The following UBXN2A variants were observed in gnomAD, a reference collection of about 807,000 sequenced individuals.
UBXN2A encodes the protein UBX domain protein 2A, also known as UBX domain-containing protein 2A.
A neutral mutation model predicts 28.4 loss-of-function variants in UBXN2A; 28 were observed. That is an observed-to-expected ratio of 0.99 (90% CI 0.73 to 1.35). UBXN2A has a LOEUF of 1.35. Among genes scored for constraint, UBXN2A ranks in the 40% most tolerant of loss-of-function variants. The probability of loss-of-function intolerance (pLI) is 0.00; values close to 1 mark genes in which losing one functional copy is unlikely to be tolerated. For missense variants in UBXN2A, 253 were observed against 297.9 expected (o/e 0.85, Z 1.11); for synonymous variants, 97 against 103.6 (o/e 0.94, Z 0.39).
chr2:23,964,280 G>A (rs1004484947), intron 2 of UBXN2A, among the ~76,000 whole-genome samples: 1 of 151,356 alleles, frequency 6.6e-6, no homozygotes, highest in Non-Finnish European at 1.5e-5. Context: ...GCACAATCTC[G>A]GCTCACCACA....
At chr2:23,992,375 A>G (rs1193287804) in intron 6 of UBXN2A, among the ~76,000 whole-genome samples, 2 of 152,220 alleles carry the variant, frequency 1.3e-5, no homozygotes, top group East Asian at 3.8e-4. Flanking sequence ...GTGGAGAAGT[A>G]TGATTGGAGG....
rs1359158532 is a variant in UBXN2A at position 24,004,756 on chromosome 2, T to A, written c.*4889T>A. The A allele has an allele frequency of 6.6e-6, 1 of 150,802 alleles. No individual in the cohort carries two copies. Among genetic ancestry groups the A allele is most frequent in the African/African-American group, 2.4e-5 (1 of 41,388 alleles). The allele number at this position is 150,802 out of a possible 1,614,324, so 9.3% of individuals were successfully genotyped here. On this transcript the variant is annotated 3_prime_UTR_variant, in exon 7 of 7. Transcript: ENST00000309033. ...GTTTAAAAAATAATCTTATTTTATA[T>A]ACTTCTCTCGGTATAATTTTTCATG...
intron 1 of UBXN2A, among the ~76,000 whole-genome samples, chr2:23,942,967 CTTT>C (rs531627035): frequency 6.9e-6 from 1 of 145,078 alleles, no homozygotes. Flanking sequence ...CTACAAACAA[CTTT>C]TTTTTTTTTT....
intron 1 of UBXN2A, among the ~76,000 whole-genome samples, chr2:23,956,920 C>T (rs535075762): frequency 1.3e-5 from 2 of 152,170 alleles, no homozygotes; most frequent in East Asian, 3.9e-4. Flanking sequence ...TTCCAAGACC[C>T]CCATAGATAC....
chr2:23,940,905 G>A (rs891189725), intron 1 of UBXN2A, among the ~76,000 whole-genome samples: 4 of 152,150 alleles, frequency 2.6e-5, no homozygotes, highest in Non-Finnish European at 4.4e-5. Context: ...TGACTTGCGA[G>A]CTAGCTGAAG....
intron 1 of UBXN2A, among the ~76,000 whole-genome samples, chr2:23,949,828 C>T (rs1163019850): frequency 6.6e-6 from 1 of 150,900 alleles, no homozygotes; most frequent in Non-Finnish European, 1.5e-5. Context: ...TAAGCTGAGA[C>T]CTCACCACTG....
chr2:23,964,215 C>T (rs965692069), intron 2 of UBXN2A, among the ~76,000 whole-genome samples: 1 of 114,702 alleles, frequency 8.7e-6, no homozygotes, highest in South Asian at 3.0e-4. Context: ...ATTATCCAAT[C>T]CTTTTTTTTT....
At chr2:23,961,145 G>T (rs1706885823) in intron 2 of UBXN2A, among the ~76,000 whole-genome samples, 1 of 151,416 alleles carries the variant, frequency 6.6e-6, no homozygotes. Context: ...ACCCAGGCTG[G>T]GGTGCAGTGG....
chr2:23,969,286 C>T (rs1320369118), intron 2 of UBXN2A, among the ~76,000 whole-genome samples: 1 of 152,120 alleles, frequency 6.6e-6, no homozygotes, highest in Non-Finnish European at 1.5e-5. Flanking sequence ...CCTGTAATGC[C>T]AGTACTTTGG....
chr2:23,971,598 C>G (rs544332967), intron 3 of UBXN2A, among the ~76,000 whole-genome samples, 184 bp downstream of exon 3: 30 of 152,178 alleles, frequency 2.0e-4, no homozygotes, highest in Non-Finnish European at 2.6e-4. Flanking sequence ...AAGCAGTCCT[C>G]CTGCCTCAGC....
intron 1 of UBXN2A, among the ~76,000 whole-genome samples, chr2:23,941,792 G>T (rs1332450306): frequency 6.6e-6 from 1 of 152,116 alleles, no homozygotes; most frequent in Non-Finnish European, 1.5e-5. Context: ...AATAATCAGG[G>T]CCCGGAGCGA....
At position 23,959,120 on chromosome 2, in the gene UBXN2A, A is replaced by G. The variant is rs573454709; in HGVS notation, c.41+765A>G. ...AATGCTAGGATTATAAGCGTGAGCC[A>G]CCATGCTTGGCCTATTATTTATTTT... On this transcript the variant is annotated intron_variant, in intron 2 of 6. Transcript: ENST00000309033. Among the ~76,000 whole-genome samples the G allele has an allele frequency of 7.9e-5, 12 of 152,294 alleles. No individual in the cohort carries two copies. The South Asian group carries it at 2.1e-3, about 26-fold the overall frequency.
chr2:23,999,997 A>G lies in UBXN2A; in HGVS notation c.*130A>G. 3 of 801,794 alleles carry G rather than the reference A, an allele frequency of 3.7e-6. No individual in the cohort carries two copies. The highest frequency in any genetic ancestry group is 1.9e-5 in the South Asian group (1 of 52,368). The allele number at this position is 801,794 out of a possible 1,614,324, so 49.7% of individuals were successfully genotyped here. On this transcript the variant is annotated 3_prime_UTR_variant, in exon 7 of 7. Transcript: ENST00000309033. The stretch of plus-strand genomic sequence containing the variant: ...TCGAGTACTATTGAACTCTCTCCTG[A>G]TGAGAAGATGTTTAGATAAGTACAA...
intron 3 of UBXN2A, among the ~76,000 whole-genome samples, chr2:23,973,366 T>A (rs1707503802): frequency 7.0e-6 from 1 of 143,434 alleles, no homozygotes; most frequent in Non-Finnish European, 1.5e-5. Context: ...TGAGACAGAG[T>A]CTCGCTGTGT....
upstream of UBXN2A, among the ~76,000 whole-genome samples, chr2:23,938,041 C>T (rs559636297): frequency 1.2e-4 from 18 of 152,248 alleles, no homozygotes; most frequent in South Asian, 3.3e-3. Flanking sequence ...ATGTGACCAC[C>T]ATCACATATG....
At chr2:23,929,635 C>T (rs531711970) in intron 1 of UBXN2A, among the ~76,000 whole-genome samples, 33 of 151,958 alleles carry the variant, frequency 2.2e-4, no homozygotes, top group Non-Finnish European at 3.7e-4. Flanking sequence ...ATCGCTTGAA[C>T]CCGGGAGGCG....
At position 24,003,287 on chromosome 2, in the gene UBXN2A, A is replaced by G; in HGVS notation, c.*3420A>G. Reference sequence around the variant, plus strand: ...TCCACTGAAACACATCTGCTAGACCACTAAGTTTATCCTTGTCACCCAGTT... The same window carrying G: ...TCCACTGAAACACATCTGCTAGACCGCTAAGTTTATCCTTGTCACCCAGTT... On this transcript the variant is annotated 3_prime_UTR_variant, in exon 7 of 7. Transcript: ENST00000309033. The G allele has an allele frequency of 6.6e-6, 1 of 152,228 alleles. No individual in the cohort carries two copies. The highest frequency in any genetic ancestry group is 1.9e-4 in the East Asian group (1 of 5,204). 9.4% of individuals were successfully genotyped at this position (152,228 alleles called of 1,614,324 possible). A position where few individuals can be genotyped will look rare whatever the true frequency, so the allele number is the denominator to read the frequency against.
intron 4 of UBXN2A, among the ~76,000 whole-genome samples, chr2:23,978,503 G>C (rs1189409548): frequency 6.6e-6 from 1 of 151,768 alleles, no homozygotes; most frequent in East Asian, 1.9e-4. Flanking sequence ...AATTAGCCAG[G>C]TGTGGTGGCG....
chr2:23,997,815 CTTT>C (rs1178815199), intron 6 of UBXN2A, among the ~76,000 whole-genome samples: 1 of 123,526 alleles, frequency 8.1e-6, no homozygotes, highest in African/African-American at 3.0e-5. Flanking sequence ...TTAATATTTT[CTTT>C]TTTTTTTTTT....
Sources: gnomAD v4.1 joint callset for allele counts (sites outside exome capture counted in the v4.1 genomes callset) on GRCh38, gnomAD v4.1.1 for gene constraint, MANE v1.5 for transcripts, NCBI Gene and HGNC (gene_info 2026-07-23, HGNC 2026-07-21) for gene names.